SORBS2: variants seen among roughly 807,000 people sequenced by gnomAD.
The protein encoded by SORBS2 is sorbin and SH3 domain-containing protein 2.
In SORBS2, 46 loss-of-function variants were observed where a neutral mutation model predicts 97.7. That is an observed-to-expected ratio of 0.47 (90% CI 0.37 to 0.60). The LOEUF (loss-of-function observed/expected upper bound fraction) is 0.60. SORBS2 is among the 20% of genes least tolerant of loss of function. SORBS2 has a pLI of 0.00. For synonymous variants in SORBS2, 476 were observed against 473.4 expected (o/e 1.01, Z -0.07); for missense variants, 1,316 against 1,282.3 (o/e 1.03, Z -0.40).
At chr4:185,770,181 T>G (rs947825863) in intron 2 of SORBS2, among the ~76,000 whole-genome samples, 3 of 151,562 alleles carry the variant, frequency 2.0e-5, no homozygotes, top group Non-Finnish European at 2.9e-5. Flanking sequence ...CAGTTTCAAG[T>G]GATTCTCCTG....
At chr4:185,665,694 C>T (rs4557309) in intron 4 of SORBS2, 924,605 of 933,858 alleles carry the variant, frequency 0.99, 458,349 homozygotes, top group East Asian at 1. Context: ...TCAGTCCTTT[C>T]AAGGAAACGG....
chr4:185,707,558 A>T (rs1203734119), intron 2 of SORBS2, among the ~76,000 whole-genome samples: 2 of 151,960 alleles, frequency 1.3e-5, no homozygotes, highest in Non-Finnish European at 2.9e-5. Context: ...ATTTATTTCA[A>T]TAGGACAGCT....
chr4:185,947,440 C>T (rs2099275051), intron 1 of SORBS2, among the ~76,000 whole-genome samples: 1 of 152,092 alleles, frequency 6.6e-6, no homozygotes, highest in African/African-American at 2.4e-5. Flanking sequence ...CAAACCATCT[C>T]CTACAGTATC....
chr4:185,614,037 G>A (rs562053631), intron 11 of SORBS2, among the ~76,000 whole-genome samples: 1 of 151,978 alleles, frequency 6.6e-6, no homozygotes, highest in Admixed American at 6.6e-5. Flanking sequence ...CCTGTGTTGT[G>A]TGCAGAGGCA....
intron 12 of SORBS2, among the ~76,000 whole-genome samples, chr4:185,605,480 TACCATG>T (rs1561359074): frequency 7.9e-5 from 12 of 151,410 alleles, no homozygotes; most frequent in African/African-American, 2.9e-4. Flanking sequence ...ATGGGGGTTT[TACCATG>T]TTGGACAGGT....
rs2099235076 is a variant in SORBS2 at position 185,878,765 on chromosome 4, TTGC to T, written c.-338+77428_-338+77430del. On this transcript the variant is annotated intron_variant, in intron 1 of 20. Coordinates refer to the SORBS2 transcript ENST00000284776. Reference sequence around the variant, plus strand: ...TATCACTCCCCAGTGGAGAGCCCGATTGCTGCTGCCTGCAGTTACAGCACAATT... The same window carrying T: ...TATCACTCCCCAGTGGAGAGCCCGATTGCTGCCTGCAGTTACAGCACAATT... Among the ~76,000 whole-genome samples the T allele has an allele frequency of 1.3e-5, 2 of 152,026 alleles. 1 individual carries two copies. The highest frequency in any genetic ancestry group is 4.8e-5 in the African/African-American group (2 of 41,370).
At chr4:185,734,061 C>T (rs550828966) in intron 2 of SORBS2, 38 bp downstream of exon 3, 1 of 152,774 alleles carries the variant, frequency 6.5e-6, no homozygotes, top group South Asian at 2.1e-4. Context: ...GCCCCAAACC[C>T]AGGCAGTGGC....
intron 1 of SORBS2, among the ~76,000 whole-genome samples, chr4:185,817,058 TAAC>T (rs1585241146): frequency 6.6e-6 from 1 of 152,190 alleles, no homozygotes; most frequent in Non-Finnish European, 1.5e-5. Flanking sequence ...TGGCTAATAA[TAAC>T]AACATTGTTT....
chr4:185,909,597 T>G (rs1424328095), intron 1 of SORBS2, among the ~76,000 whole-genome samples: 1 of 152,120 alleles, frequency 6.6e-6, no homozygotes, highest in East Asian at 1.9e-4. Context: ...GCATTAAAAA[T>G]CTTTCAAGCA....
At chr4:185,737,979 G>A (rs1235636319) in intron 2 of SORBS2, among the ~76,000 whole-genome samples, 1 of 152,190 alleles carries the variant, frequency 6.6e-6, no homozygotes, top group Non-Finnish European at 1.5e-5. Flanking sequence ...CAGCCACACT[G>A]CTTCGTGAAA....
At chr4:185,648,445 C>T (rs966334954) in intron 3 of SORBS2, among the ~76,000 whole-genome samples, 6 of 151,512 alleles carry the variant, frequency 4.0e-5, no homozygotes, top group African/African-American at 1.2e-4. Flanking sequence ...CAAGATCACA[C>T]CATTGCACTC....
intron 4 of SORBS2, among the ~76,000 whole-genome samples, chr4:185,674,539 A>G (rs1045242561): frequency 2.6e-5 from 4 of 152,172 alleles, no homozygotes; most frequent in African/African-American, 7.2e-5. Context: ...TTGTTAAAAT[A>G]TAAGGGAAAT....
At chr4:185,808,762 G>C (rs1463238941) in intron 1 of SORBS2, among the ~76,000 whole-genome samples, 8 of 151,950 alleles carry the variant, frequency 5.3e-5, no homozygotes, top group Non-Finnish European at 1.5e-5. Flanking sequence ...CTTTCTTCTG[G>C]TTTCAGCAAG....
intron 11 of SORBS2, among the ~76,000 whole-genome samples, chr4:185,614,159 G>GTTTTTT (rs34929054): frequency 7.2e-4 from 66 of 91,578 alleles, no homozygotes; most frequent in Middle Eastern, 7.5e-3. Context: ...GTTTTTTTGT[G>GTTTTTT]TTTTTTTTTT....
chr4:185,780,010 T>C (rs1201841379), intron 1 of SORBS2, among the ~76,000 whole-genome samples: 8 of 114,092 alleles, frequency 7.0e-5, no homozygotes, highest in African/African-American at 2.5e-4. Context: ...GAGTAACATT[T>C]TTTTTTTTTT....
chr4:185,904,046 T>A (rs2099249281), intron 1 of SORBS2, among the ~76,000 whole-genome samples: 1 of 152,238 alleles, frequency 6.6e-6, no homozygotes, highest in Admixed American at 6.5e-5. Context: ...TATTTTTTAA[T>A]CTAGAAACCA....
At chr4:185,587,609 A>C (rs368407144) in exon 15 of SORBS2, 3 of 1,611,778 alleles carry the variant, frequency 1.9e-6, no homozygotes, top group East Asian at 2.2e-5. Flanking sequence ...CGGCCTCTAC[A>C]GAAGGAGGGA....
intron 1 of SORBS2, among the ~76,000 whole-genome samples, chr4:185,943,669 C>A (rs769418350): frequency 6.6e-6 from 1 of 152,034 alleles, no homozygotes; most frequent in Non-Finnish European, 1.5e-5. Flanking sequence ...TCCAGTATAA[C>A]CTGGTTGAAG....
At chr4:185,924,609 C>T (rs550956579) in intron 1 of SORBS2, among the ~76,000 whole-genome samples, 58 of 152,070 alleles carry the variant, frequency 3.8e-4, no homozygotes, top group African/African-American at 1.4e-3. Flanking sequence ...AACATCATGG[C>T]GCCCTGCATT....
Sources: gnomAD v4.1 joint callset for allele counts (sites outside exome capture counted in the v4.1 genomes callset) on GRCh38, gnomAD v4.1.1 for gene constraint, MANE v1.5 for transcripts, NCBI Gene and HGNC (gene_info 2026-07-23, HGNC 2026-07-21) for gene names.